Variants in GAREM2 observed in about 807,000 individuals in gnomAD.
GAREM2 encodes GRB2 associated regulator of MAPK1 subtype 2, also known as GRB2-associated and regulator of MAPK protein 2.
A neutral mutation model predicts 55.6 loss-of-function variants in GAREM2; 30 were observed. The observed-to-expected ratio is 0.54, with a 90% CI of 0.40 to 0.73. GAREM2 has a LOEUF of 0.73. Among genes scored for constraint, GAREM2 ranks in the 30% least tolerant of loss-of-function variants. The pLI, the probability that GAREM2 is intolerant of heterozygous loss-of-function variation, is 0.00. For missense variants in GAREM2, 1,075 were observed against 1,257.7 expected, an observed-to-expected ratio of 0.85 and a Z score of 2.20; for synonymous variants, 550 against 569.1, an observed-to-expected ratio of 0.97 and a Z score of 0.48.
rs376916271 is a variant in GAREM2, at chr2:26,187,534, C to T, written c.1902C>T (p.Ser634=). ...FAPFGALNPF[S]GPAYPSGPSA... The stretch of plus-strand genomic sequence containing the variant: ...CGTTTGGAGCTCTCAACCCTTTTTC[C>T]GGGCCTGCCTACCCCTCAGGCCCTT... Residue 634 remains serine (S), a synonymous_variant, in exon 6 of 6, where the codon TCC becomes TCT. Transcript: ENST00000401533. 259 of 1,534,728 alleles carry T rather than the reference C, an allele frequency of 1.7e-4. No individual in the cohort carries two copies. The highest frequency in any genetic ancestry group is 4.0e-4 in the Admixed American group (19 of 47,412).
chr2:26,173,757 C>T (rs1460672678), intron 1 of GAREM2, among the ~76,000 whole-genome samples: 1 of 152,172 alleles, frequency 6.6e-6, no homozygotes, highest in Non-Finnish European at 1.5e-5. Context: ...CCCCTTACCG[C>T]CACCCCTAGT....
At chr2:26,182,892 T>C (rs1490179421) in intron 2 of GAREM2, 75 bp from the exon 3 acceptor site, 2 of 1,515,232 alleles carry the variant, frequency 1.3e-6, no homozygotes, top group Admixed American at 2.0e-5. Context: ...CAAGTGACCA[T>C]GAAGGCTCTT....
rs1669365137 is a variant in GAREM2, at chr2:26,188,356, G to A, written c.*99G>A. ...GCTGCCTGCAAGAAGGATCTATGTCGAGACTGAGGCTGCTCAGCAGCCACT... is the reference window on the plus strand; with the variant it reads ...GCTGCCTGCAAGAAGGATCTATGTCAAGACTGAGGCTGCTCAGCAGCCACT... On this transcript the variant is annotated 3_prime_UTR_variant, in exon 6 of 6. Transcript: ENST00000401533. 1 of 952,056 alleles carries A rather than the reference G, an allele frequency of 1.1e-6. No homozygotes were observed. Among genetic ancestry groups the A allele is most frequent in the Non-Finnish European group, 1.5e-6 (1 of 672,956 alleles). 59.0% of individuals were successfully genotyped at this position (952,056 alleles called of 1,614,324 possible).
At chr2:26,181,160 T>A in intron 2 of GAREM2, 1 of 978,458 alleles carries the variant, frequency 1.0e-6, no homozygotes, top group South Asian at 4.7e-5. Flanking sequence ...CTCGAAACAC[T>A]CCAGTGGGTC....
chr2:26,196,245 C>T, the GAREM2 span, among the ~76,000 whole-genome samples: 1 of 152,146 alleles, frequency 6.6e-6, no homozygotes, highest in Non-Finnish European at 1.5e-5. Context: ...TCTCCAATGC[C>T]ATTATGTAAT....
chr2:26,187,685 C>T lies in GAREM2; in HGVS notation c.2053C>T (p.Pro685Ser). 1 of 1,501,332 alleles carries T rather than the reference C, an allele frequency of 6.7e-7. No individual in the cohort carries two copies. The highest frequency in any genetic ancestry group is 8.9e-7 in the Non-Finnish European group (1 of 1,122,374). The allele number at this position is 1,501,332 out of a possible 1,614,324, so 93.0% of individuals were successfully genotyped here. Residue 685 changes from proline to serine, a missense_variant, in exon 6 of 6, where the codon CCC becomes TCC. By Grantham distance (74) the Pro-to-Ser change is moderately conservative. Transcript: ENST00000401533. ...AGCTGCTCCCCCCTCCTCCTGCGCC[C>T]CCTCCTCCTCCTCTTCTTCTGAATG... ...YSAAPPSSCA[P>S]SSSSSSEWQE...
chr2:26,175,999 C>A (rs1190285944), intron 1 of GAREM2, among the ~76,000 whole-genome samples: 1 of 152,228 alleles, frequency 6.6e-6, no homozygotes, highest in Non-Finnish European at 1.5e-5. Flanking sequence ...TGCCCACCTC[C>A]CCAGGGGCCT....
At chr2:26,182,485 C>T in intron 2 of GAREM2, 3 of 1,550,476 alleles carry the variant, frequency 1.9e-6, no homozygotes, top group Non-Finnish European at 2.6e-6. Context: ...CACAGGATGC[C>T]AGATCCAGGT....
At chr2:26,202,655 C>T in the GAREM2 span, among the ~76,000 whole-genome samples, 2 of 152,202 alleles carry the variant, frequency 1.3e-5, no homozygotes, top group African/African-American at 2.4e-5. Context: ...GCATGAGAAT[C>T]GCTTGAACCC....
At chr2:26,204,216 T>C in the GAREM2 span, 1 of 1,612,706 alleles carries the variant, frequency 6.2e-7, no homozygotes, top group Non-Finnish European at 8.5e-7. Flanking sequence ...AAGGATGAAA[T>C]GACTTTCGGT....
chr2:26,176,410 C>T lies in GAREM2; in HGVS notation c.179C>T (p.Thr60Met), dbSNP rs1436683521. 9.0e-6 allele frequency: 14 copies of T among 1,550,462 alleles called. No homozygotes were observed. The highest frequency in any genetic ancestry group is 2.0e-5 in the Admixed American group (1 of 50,824). ...LLIHSCRQWT[T>M]VTAHTLEEGH... ...ATCCACTCCTGCCGGCAGTGGACAA[C>T]GGTGACAGCTCATACCCTGGAGGAG... Residue 60 changes from threonine (T) to methionine (M), a missense_variant, in exon 2 of 6, where the codon ACG becomes ATG. By Grantham distance (81) the Thr-to-Met change is moderately conservative. Coordinates refer to ENST00000401533, the MANE Select transcript of GAREM2 (RefSeq NM_001168241.2).
chr2:26,176,198 T>A, intron 1 of GAREM2, 146 bp from the exon 2 acceptor site: 3 of 737,500 alleles, frequency 4.1e-6, no homozygotes, highest in Non-Finnish European at 5.9e-6. Flanking sequence ...CGCCTGTCCC[T>A]TGAGCTTTGC....
At position 26,184,751 on chromosome 2, in the gene GAREM2, G is replaced by A. The variant is rs1162236382; in HGVS notation, c.903G>A (p.Leu301=). The A allele has an allele frequency of 1.3e-6, 2 of 1,506,642 alleles. No homozygotes were observed. The highest frequency in any genetic ancestry group is 5.5e-5 in the East Asian group (2 of 36,550). The allele number at this position is 1,506,642 out of a possible 1,614,324, so 93.3% of individuals were successfully genotyped here. ...GCATCATCTCCAAGACGGTGGTGCT[G>A]GGGCTGGCGCTGCGCCGCGAGGGCC... ...LVSIISKTVV[L]GLALRREGPA... The change falls in exon 4 of 6, where the codon CTG becomes CTA. Residue 301 remains leucine (L), a synonymous_variant. Transcript: ENST00000401533.
chr2:26,188,294 A>G lies in GAREM2; in HGVS notation c.*37A>G, dbSNP rs1157069831. 2.1e-6 allele frequency: 3 copies of G among 1,414,482 alleles called. No homozygotes were observed. Among genetic ancestry groups the G allele is most frequent in the Admixed American group, 5.8e-5 (2 of 34,364 alleles). The allele number at this position is 1,414,482 out of a possible 1,614,324, so 87.6% of individuals were successfully genotyped here. ...GGAGCTGCACAGCTGGAATGCTGGT[A>G]TGGGGGCCCCAGGTACAGCACTCCG... On this transcript the variant is annotated 3_prime_UTR_variant, in exon 6 of 6. Transcript: ENST00000401533.
downstream of GAREM2, among the ~76,000 whole-genome samples, chr2:26,193,293 C>G (rs367788344): frequency 6.1e-5 from 7 of 115,166 alleles, no homozygotes; most frequent in South Asian, 2.2e-3. Flanking sequence ...CACATGACAT[C>G]TTTTTTTTTT....
downstream of GAREM2, among the ~76,000 whole-genome samples, chr2:26,192,108 G>T (rs535773361): frequency 2.0e-5 from 3 of 152,278 alleles, no homozygotes; most frequent in South Asian, 6.2e-4. Flanking sequence ...CCAGCATCAG[G>T]AGTGGTCCTC....
the GAREM2 span, among the ~76,000 whole-genome samples, chr2:26,199,556 A>G: frequency 6.6e-6 from 1 of 152,096 alleles, no homozygotes. Flanking sequence ...TTGGACATGT[A>G]TGTCTTTTCT....
At chr2:26,182,122 A>C in intron 2 of GAREM2, 2 of 1,147,360 alleles carry the variant, frequency 1.7e-6, no homozygotes, top group East Asian at 4.9e-5. Context: ...TTTTGTGCTC[A>C]TGTGGGTATG....
At chr2:26,175,486 G>A (rs1016776083) in intron 1 of GAREM2, among the ~76,000 whole-genome samples, 6 of 152,116 alleles carry the variant, frequency 3.9e-5, no homozygotes, top group Non-Finnish European at 7.3e-5. Flanking sequence ...ATGAGGGGGC[G>A]TGGGGAGGGG....
Sources: allele counts gnomAD v4.1 joint callset (sites outside exome capture counted in the v4.1 genomes callset), GRCh38; gene constraint gnomAD v4.1.1; transcripts MANE v1.5; gene names NCBI Gene and HGNC (gene_info 2026-07-23, HGNC 2026-07-21).